Variants in FHIT observed in about 807,000 individuals in gnomAD.
The protein encoded by FHIT is bis(5'-adenosyl)-triphosphatase.
FHIT carries 19 observed loss-of-function variants against 17.9 expected under a neutral mutation model. The observed-to-expected ratio is 1.06, with a 90% CI of 0.74 to 1.56. The LOEUF is 1.56. FHIT is among the 40% of genes most tolerant of loss of function. The pLI is 0.00. For synonymous variants in FHIT, 81 were observed against 69.7 expected, an observed-to-expected ratio of 1.16 and a Z score of -0.81; for missense variants, 248 against 189.2, an observed-to-expected ratio of 1.31 and a Z score of -1.82.
intron 3 of FHIT, among the ~76,000 whole-genome samples, chr3:60,839,955 T>A (rs1487974458): frequency 3.3e-5 from 5 of 152,188 alleles, no homozygotes; most frequent in Non-Finnish European, 5.9e-5. Flanking sequence ...TATTTTTTTT[T>A]TAAAACTGCA....
intron 3 of FHIT, among the ~76,000 whole-genome samples, chr3:60,924,730 G>C (rs939012709): frequency 1.3e-5 from 2 of 152,088 alleles, no homozygotes; most frequent in African/African-American, 2.4e-5. Flanking sequence ...CGAGTTGAGA[G>C]AAGAAGGCTT....
At chr3:60,337,288 G>C (rs1306787221) in intron 5 of FHIT, among the ~76,000 whole-genome samples, 3 of 152,002 alleles carry the variant, frequency 2.0e-5, no homozygotes, top group Non-Finnish European at 2.9e-5. Flanking sequence ...TTCTATCAGG[G>C]AGTTAAAACA....
chr3:60,945,907 C>T (rs1369339391), intron 3 of FHIT, among the ~76,000 whole-genome samples: 1 of 152,108 alleles, frequency 6.6e-6, no homozygotes, highest in Non-Finnish European at 1.5e-5. Flanking sequence ...GTAAACAATG[C>T]AGGATCACCG....
chr3:59,934,250 A>G (rs550827005), intron 7 of FHIT, among the ~76,000 whole-genome samples: 3 of 152,282 alleles, frequency 2.0e-5, no homozygotes, highest in East Asian at 3.9e-4. Context: ...ATAGATGAAG[A>G]AACTAAGGCC....
chr3:61,073,749 G>A (rs959366687), intron 2 of FHIT, among the ~76,000 whole-genome samples: 1 of 152,128 alleles, frequency 6.6e-6, no homozygotes, highest in African/African-American at 2.4e-5. Context: ...ATTCCTATGT[G>A]TCATCTTGCG....
chr3:60,181,138 T>A (rs1701911724), intron 5 of FHIT, among the ~76,000 whole-genome samples: 1 of 134,172 alleles, frequency 7.5e-6, no homozygotes, highest in Non-Finnish European at 1.5e-5. Flanking sequence ...GATTACAAAT[T>A]TTTTTAATTT....
At chr3:59,947,913 G>C (rs928636333) in intron 7 of FHIT, among the ~76,000 whole-genome samples, 6 of 152,162 alleles carry the variant, frequency 3.9e-5, no homozygotes, top group Non-Finnish European at 8.8e-5. Context: ...ACCTTTTAAA[G>C]TGGGCTTTTG....
intron 5 of FHIT, among the ~76,000 whole-genome samples, chr3:60,096,302 G>A (rs996079050): frequency 2.6e-5 from 4 of 152,178 alleles, no homozygotes; most frequent in Non-Finnish European, 5.9e-5. Flanking sequence ...CCTATCTGAA[G>A]GCAGGAAAGT....
At chr3:60,067,895 T>G (rs1397273937) in intron 5 of FHIT, among the ~76,000 whole-genome samples, 1 of 152,186 alleles carries the variant, frequency 6.6e-6, no homozygotes, top group Non-Finnish European at 1.5e-5. Flanking sequence ...GAGCCTCAAG[T>G]GTAGTTTCAA....
At chr3:60,956,538 C>G (rs1268106311) in intron 3 of FHIT, among the ~76,000 whole-genome samples, 2 of 152,142 alleles carry the variant, frequency 1.3e-5, no homozygotes, top group African/African-American at 4.8e-5. Context: ...TAAGTTTAAA[C>G]CAAGTAGTGC....
chr3:60,111,451 C>A (rs995418826), intron 5 of FHIT, among the ~76,000 whole-genome samples: 1 of 152,176 alleles, frequency 6.6e-6, no homozygotes, highest in Non-Finnish European at 1.5e-5. Context: ...ATAATAGACT[C>A]CTACTGACAC....
chr3:61,110,144 A>G (rs1432878386), intron 2 of FHIT, among the ~76,000 whole-genome samples: 1 of 152,120 alleles, frequency 6.6e-6, no homozygotes, highest in East Asian at 1.9e-4. Context: ...CACCCAGAGT[A>G]AAGTCCCACA....
chr3:60,621,057 T>C (rs1553678339), intron 4 of FHIT, among the ~76,000 whole-genome samples: 1 of 151,636 alleles, frequency 6.6e-6, no homozygotes, highest in African/African-American at 2.4e-5. Flanking sequence ...AACATTTAAC[T>C]CCCAAGTGAT....
chr3:60,663,521 C>T (rs1448165536), intron 4 of FHIT, among the ~76,000 whole-genome samples: 1 of 151,946 alleles, frequency 6.6e-6, no homozygotes, highest in African/African-American at 2.4e-5. Flanking sequence ...CTGCAACCTC[C>T]ATCTCCTAGG....
At chr3:60,738,358 G>A (rs1553713113) in intron 4 of FHIT, among the ~76,000 whole-genome samples, 1 of 152,122 alleles carries the variant, frequency 6.6e-6, no homozygotes, top group East Asian at 1.9e-4. Context: ...GCATACACAG[G>A]AGGCCCCAAA....
In FHIT at chr3:60,497,138, G is replaced by A. The variant is rs138143842; in HGVS notation, c.103+39722C>T. Among the ~76,000 whole-genome samples, 56 of 152,180 alleles carry A rather than the reference G, an allele frequency of 3.7e-4. No individual in the cohort carries two copies. The East Asian group carries it at 9.5e-3, about 26-fold the overall frequency. ...TAGGAGGGGGCATGGTATTGTATCT[G>A]GTCGGTACAGGTAGAGTTGCTGCTA... is the stretch of plus-strand genomic sequence containing the variant. On this transcript the variant is annotated intron_variant, in intron 5 of 9. Transcript: ENST00000492590.
At chr3:60,532,471 A>G (rs2035821295) in intron 5 of FHIT, among the ~76,000 whole-genome samples, 2 of 152,230 alleles carry the variant, frequency 1.3e-5, no homozygotes, top group African/African-American at 4.8e-5. Flanking sequence ...TAAGCCATGA[A>G]CAATAGCTGG....
intron 5 of FHIT, among the ~76,000 whole-genome samples, chr3:60,429,824 C>T (rs1229489060): frequency 6.6e-6 from 1 of 152,032 alleles, no homozygotes; most frequent in African/African-American, 2.4e-5. Flanking sequence ...GGTGTGGAAG[C>T]ATAGGTACTA....
intron 2 of FHIT, among the ~76,000 whole-genome samples, chr3:61,082,433 A>G (rs559109062): frequency 9.8e-4 from 149 of 152,290 alleles, no homozygotes; most frequent in Non-Finnish European, 2.0e-3. Flanking sequence ...TACTTTATAA[A>G]TATTTCATTA....
Sources: allele counts gnomAD v4.1 joint callset (sites outside exome capture counted in the v4.1 genomes callset), GRCh38; gene constraint gnomAD v4.1.1; transcripts MANE v1.5; gene names NCBI Gene and HGNC (gene_info 2026-07-23, HGNC 2026-07-21).